Variants in KLHL13 observed in about 807,000 individuals in gnomAD.
The protein encoded by KLHL13 is kelch-like protein 13.
KLHL13 carries 10 observed loss-of-function variants against 37.1 expected under a neutral mutation model. That is an observed-to-expected ratio of 0.27 (90% CI 0.17 to 0.46). The LOEUF is 0.46. Ranked by LOEUF, KLHL13 falls within the 20% of genes least tolerant of loss-of-function variation. The pLI is 1.00. For missense variants in KLHL13, 360 were observed against 509.3 expected (o/e 0.71, Z 2.82); for synonymous variants, 163 against 181.2 (o/e 0.90, Z 0.81).
rs550118393 is a variant in KLHL13 at position 118,017,444 on chromosome X, A to G, written c.-55-71869T>C. On this transcript the variant is annotated intron_variant, in intron 1 of 6. Transcript: ENST00000371882. ...ATGGCTAGATTTGAATTCTGAAAAG[A>G]GAACTCTAATTAGAACCTAGAGAAA... Among the ~76,000 whole-genome samples the G allele has an allele frequency of 5.1e-4, 57 of 111,828 alleles. 1 individual carries two copies. The highest frequency in any genetic ancestry group is 1.8e-3 in the African/African-American group (56 of 30,862).
chrX:118,050,142 TCCCA>T (rs1376078410), intron 1 of KLHL13, among the ~76,000 whole-genome samples: 3 of 111,806 alleles, frequency 2.7e-5, no homozygotes, highest in African/African-American at 9.7e-5. Flanking sequence ...TGTCTCGGCC[TCCCA>T]AAGTGTTGGG....
intron 1 of KLHL13, among the ~76,000 whole-genome samples, chrX:118,064,354 A>G (rs2054773632): frequency 8.9e-6 from 1 of 111,922 alleles, no homozygotes; most frequent in Non-Finnish European, 1.9e-5. Context: ...TGTTCAGACT[A>G]AAAAAGAAAG....
chrX:118,072,581 T>C lies in KLHL13; in HGVS notation c.-56+43927A>G, dbSNP rs1442441526. On this transcript the variant is annotated intron_variant, in intron 1 of 6. Coordinates refer to the KLHL13 transcript ENST00000371882. Reference sequence around the variant, plus strand: ...GGAGGAAATTTTCACAACCTACTCATCTGACAAAGGGCTAATATCCAGAAT... The same window carrying C: ...GGAGGAAATTTTCACAACCTACTCACCTGACAAAGGGCTAATATCCAGAAT... Among the ~76,000 whole-genome samples the C allele has an allele frequency of 9.0e-5, 10 of 111,149 alleles. No individual in the cohort carries two copies. In the East Asian group the frequency reaches 2.8e-3, roughly 32 times the overall value.
At chrX:118,109,720 T>G (rs2055386450) in intron 1 of KLHL13, among the ~76,000 whole-genome samples, 1 of 112,312 alleles carries the variant, frequency 8.9e-6, no homozygotes, top group East Asian at 2.8e-4. Context: ...GAGATTCTAT[T>G]TGTTTAGACT....
chrX:117,932,070 T>C (rs1169811505), intron 2 of KLHL13, among the ~76,000 whole-genome samples: 1 of 111,308 alleles, frequency 9.0e-6, no homozygotes, highest in East Asian at 2.8e-4. Flanking sequence ...TAATTGTACA[T>C]ATTTATGGGG....
chrX:117,922,547 A>G, intron 2 of KLHL13, among the ~76,000 whole-genome samples: 1 of 111,976 alleles, frequency 8.9e-6, no homozygotes, highest in South Asian at 3.8e-4. Flanking sequence ...ACTTTGCAAC[A>G]AGTTAACTGG....
At chrX:117,901,935 A>G (rs757494991) in exon 6 of KLHL13, 5 of 1,116,336 alleles carry the variant, frequency 4.5e-6, no homozygotes, top group Non-Finnish European at 6.1e-6. Flanking sequence ...GGATTGTAAC[A>G]TTCTACTGTG....
At chrX:117,950,543 G>A (rs937031017) in intron 1 of KLHL13, among the ~76,000 whole-genome samples, 1 of 111,989 alleles carries the variant, frequency 8.9e-6, no homozygotes, top group South Asian at 3.7e-4. Context: ...AAGTTCCCCA[G>A]ATTAATAATA....
intron 5 of KLHL13, among the ~76,000 whole-genome samples, chrX:117,904,609 C>T (rs186175641): frequency 8.9e-6 from 1 of 112,144 alleles, no homozygotes; most frequent in Admixed American, 9.4e-5. Flanking sequence ...ATTTTTTACA[C>T]ATTGAAAAAG....
chrX:117,954,048 A>T (rs1933779179), intron 1 of KLHL13, among the ~76,000 whole-genome samples: 1 of 111,731 alleles, frequency 9.0e-6, no homozygotes, highest in Non-Finnish European at 1.9e-5. Flanking sequence ...AATAACAGAT[A>T]TAACACTATG....
At chrX:118,053,752 G>T (rs1166215541) in intron 1 of KLHL13, among the ~76,000 whole-genome samples, 1 of 101,735 alleles carries the variant, frequency 9.8e-6, no homozygotes, top group Non-Finnish European at 2.0e-5. Flanking sequence ...AAGAAAAGAT[G>T]TCCAATCTCA....
At chrX:118,053,847 GA>G (rs1569304271) in intron 1 of KLHL13, among the ~76,000 whole-genome samples, 2 of 21,633 alleles carry the variant, frequency 9.2e-5, no homozygotes, top group African/African-American at 5.1e-4. Flanking sequence ...GAGAGAGAGA[GA>G]GGAGAGAGAG....
chrX:118,017,362 G>T (rs2054137846), intron 1 of KLHL13, among the ~76,000 whole-genome samples: 1 of 111,102 alleles, frequency 9.0e-6, no homozygotes, highest in Non-Finnish European at 1.9e-5. Context: ...ATTAACATTG[G>T]ATGTTATCCT....
chrX:117,910,381 A>G (rs1930900813), intron 4 of KLHL13, among the ~76,000 whole-genome samples: 1 of 110,260 alleles, frequency 9.1e-6, no homozygotes, highest in Admixed American at 9.7e-5. Context: ...CAAACCAGTT[A>G]CTCTTCTCTC....
rs758150905 is a variant in KLHL13 at position 117,948,198 on chromosome X, T to A, written c.99-2623A>T. ...AAAGTCAAGTGCCAAAGGTGAGAAA[T>A]CCTAATATAGAGGAATTTACTGTCT... On this transcript the variant is annotated intron_variant, in intron 1 of 6. Coordinates refer to ENST00000262820, the Ensembl canonical transcript of KLHL13. Among the ~76,000 whole-genome samples, 16 of 111,924 alleles carry A rather than the reference T, an allele frequency of 1.4e-4. No homozygotes were observed. In the South Asian group the frequency reaches 6.0e-3, roughly 42 times the overall value.
At chrX:118,057,973 T>C (rs1452986343) in intron 1 of KLHL13, among the ~76,000 whole-genome samples, 1 of 111,658 alleles carries the variant, frequency 9.0e-6, no homozygotes, top group Admixed American at 9.5e-5. Context: ...CATCTTCCAG[T>C]AATCTACCAA....
intron 1 of KLHL13, among the ~76,000 whole-genome samples, chrX:118,001,868 CAAAAA>C (rs35056707): frequency 2.4e-5 from 1 of 41,731 alleles, no homozygotes; most frequent in Non-Finnish European, 4.9e-5. Flanking sequence ...AAGACCCCGT[CAAAAA>C]AAAAAAAAAA....
intron 5 of KLHL13, among the ~76,000 whole-genome samples, chrX:117,908,836 G>GA (rs1930771530): frequency 8.9e-6 from 1 of 112,137 alleles, no homozygotes; most frequent in African/African-American, 3.2e-5. Context: ...AATCTATAAA[G>GA]AAAATTATCT....
intron 1 of KLHL13, among the ~76,000 whole-genome samples, chrX:118,067,175 C>A (rs1004310108): frequency 1.8e-5 from 2 of 112,092 alleles, no homozygotes; most frequent in African/African-American, 6.5e-5. Context: ...TGTGACTGTA[C>A]TGAATACTGT....
Sources: allele counts gnomAD v4.1 joint callset (sites outside exome capture counted in the v4.1 genomes callset), GRCh38; gene constraint gnomAD v4.1.1; transcripts MANE v1.5; gene names NCBI Gene and HGNC (gene_info 2026-07-23, HGNC 2026-07-21).